MYO1E: variants seen among roughly 807,000 people sequenced by gnomAD.
The protein encoded by MYO1E is myosin IE.
A neutral mutation model predicts 151.1 loss-of-function variants in MYO1E; 68 were observed. The ratio of observed to expected loss-of-function variants is 0.45; its 90% CI spans 0.37 to 0.55. The LOEUF (loss-of-function observed/expected upper bound fraction) is 0.55. MYO1E is among the 20% of genes least tolerant of loss of function. The probability of loss-of-function intolerance (pLI) is 0.00; values close to 1 mark genes in which losing one functional copy is unlikely to be tolerated. For missense variants in MYO1E, 1,363 were observed against 1,389.3 expected, an observed-to-expected ratio of 0.98 and a Z score of 0.30; for synonymous variants, 601 against 501.7, an observed-to-expected ratio of 1.20 and a Z score of -2.64.
chr15:59,337,529 T>C (rs1475605603), intron 1 of MYO1E, among the ~76,000 whole-genome samples: 2 of 152,198 alleles, frequency 1.3e-5, no homozygotes, highest in African/African-American at 4.8e-5. Flanking sequence ...CAGACTACTA[T>C]AGTCAAAAAT....
intron 1 of MYO1E, among the ~76,000 whole-genome samples, chr15:59,327,761 T>C (rs764386308): frequency 1.3e-4 from 20 of 151,522 alleles, no homozygotes; most frequent in Admixed American, 2.6e-4. Flanking sequence ...AGCTATAGAG[T>C]GGGGCAAAGC....
chr15:59,263,690 T>C (rs1398811781), intron 2 of MYO1E, among the ~76,000 whole-genome samples: 1 of 152,178 alleles, frequency 6.6e-6, no homozygotes, highest in East Asian at 1.9e-4. Flanking sequence ...GAATTGCTAT[T>C]AGGGAAGATG....
chr15:59,227,913 T>C (rs867629736), intron 6 of MYO1E, among the ~76,000 whole-genome samples: 7 of 152,322 alleles, frequency 4.6e-5, no homozygotes, highest in African/African-American at 1.4e-4. Flanking sequence ...AAAAATGGCA[T>C]GGCACCCTTT....
chr15:59,244,481 G>A (rs1313480819), intron 4 of MYO1E, among the ~76,000 whole-genome samples: 1 of 152,140 alleles, frequency 6.6e-6, no homozygotes, highest in African/African-American at 2.4e-5. Flanking sequence ...TGAAGTAACT[G>A]AGGCTTGCAG....
At chr15:59,263,944 G>T (rs1180995094) in intron 2 of MYO1E, among the ~76,000 whole-genome samples, 27 of 152,136 alleles carry the variant, frequency 1.8e-4, no homozygotes. Flanking sequence ...AGACGTCCAT[G>T]ATGCCGTAGC....
chr15:59,272,190 C>A, intron 2 of MYO1E, 116 bp downstream of exon 2: 1 of 1,196,732 alleles, frequency 8.4e-7, no homozygotes, highest in Non-Finnish European at 1.2e-6. Context: ...CCTGCCTTAG[C>A]CTTCCAAAGT....
intron 1 of MYO1E, among the ~76,000 whole-genome samples, chr15:59,325,983 C>T (rs544924996): frequency 9.9e-5 from 15 of 152,280 alleles, no homozygotes; most frequent in South Asian, 4.1e-4. Flanking sequence ...CAAAAAGCAA[C>T]AGCTACGACA....
chr15:59,307,447 C>T (rs28522111), intron 1 of MYO1E, among the ~76,000 whole-genome samples: 1,997 of 152,296 alleles, frequency 0.013, 43 homozygotes, highest in African/African-American at 0.046. Flanking sequence ...AGAGCAAGAA[C>T]CAGATTCTGT....
chr15:59,267,415 A>C (rs2080262883), intron 2 of MYO1E, among the ~76,000 whole-genome samples: 1 of 152,230 alleles, frequency 6.6e-6, no homozygotes, highest in Non-Finnish European at 1.5e-5. Context: ...GAGGTGGCAC[A>C]GGGAGGTGAG....
intron 26 of MYO1E, among the ~76,000 whole-genome samples, chr15:59,145,850 T>C (rs1462547163): frequency 6.6e-6 from 1 of 152,218 alleles, no homozygotes; most frequent in Non-Finnish European, 1.5e-5. Context: ...GAGAGAATTT[T>C]ACCATGGAAA....
At chr15:59,236,736 TCCC>T in intron 4 of MYO1E, 64 bp from the exon 5 acceptor site, 3 of 1,351,638 alleles carry the variant, frequency 2.2e-6, no homozygotes, top group Non-Finnish European at 3.2e-6. Context: ...CTTCCTTGTC[TCCC>T]CCATCACACA....
intron 18 of MYO1E, among the ~76,000 whole-genome samples, chr15:59,186,253 T>G (rs2079696906): frequency 6.6e-6 from 1 of 152,124 alleles, no homozygotes; most frequent in Non-Finnish European, 1.5e-5. Context: ...ACAAAATCAT[T>G]AGCTCTTTTT....
At chr15:59,177,915 G>A (rs77206486) in intron 19 of MYO1E, among the ~76,000 whole-genome samples, 7,854 of 152,302 alleles carry the variant, frequency 0.052, 244 homozygotes, top group African/African-American at 0.085. Context: ...GCACTCTGCT[G>A]CACCTTCCAG....
intron 1 of MYO1E, among the ~76,000 whole-genome samples, chr15:59,292,377 T>C (rs1212034424): frequency 6.6e-6 from 1 of 152,228 alleles, no homozygotes; most frequent in Admixed American, 6.5e-5. Flanking sequence ...ACAGAATTAT[T>C]ATTACTATTT....
Position 59,209,783 on chromosome 15 carries a change from ATTTG to A in MYO1E, c.1362+727_1362+730del, listed in dbSNP as rs1275444256. Among the ~76,000 whole-genome samples the A allele has an allele frequency of 5.6e-3, 523 of 93,512 alleles. 3 individuals are homozygous for A. Among genetic ancestry groups the A allele is most frequent in the African/African-American group, 0.019 (495 of 25,988 alleles). The allele number at this position is 93,512 out of a possible 152,430, so 61.3% of individuals were successfully genotyped here. A position where few individuals can be genotyped will look rare whatever the true frequency, so the allele number is the denominator to read the frequency against. ...ATATATAAAAAAATCCTATAGAGAT[ATTTG>A]TTCTGTATCACTTTTATTTTGAATC... On this transcript the variant is annotated intron_variant, in intron 13 of 27. Coordinates refer to ENST00000288235, the MANE Select transcript of MYO1E (RefSeq NM_004998.4).
At chr15:59,266,830 T>G (rs1307816751) in intron 2 of MYO1E, 1 of 150,662 alleles carries the variant, frequency 6.6e-6, no homozygotes, top group Non-Finnish European at 1.5e-5. Flanking sequence ...CCCGGCTAAT[T>G]TTTTACATTT....
chr15:59,198,513 A>G (rs1169630940), intron 16 of MYO1E, among the ~76,000 whole-genome samples: 1 of 152,180 alleles, frequency 6.6e-6, no homozygotes, highest in Non-Finnish European at 1.5e-5. Flanking sequence ...ATTGAAATAC[A>G]TATTAAAAAA....
intron 1 of MYO1E, among the ~76,000 whole-genome samples, chr15:59,341,652 C>A (rs913338282): frequency 6.6e-6 from 1 of 152,164 alleles, no homozygotes; most frequent in Non-Finnish European, 1.5e-5. Context: ...CAGTTCCATT[C>A]ATATTCTTGC....
At chr15:59,146,274 G>T (rs1271568936) in intron 26 of MYO1E, among the ~76,000 whole-genome samples, 1 of 152,142 alleles carries the variant, frequency 6.6e-6, no homozygotes, top group African/African-American at 2.4e-5. Context: ...TGAAAATCGT[G>T]TTATAAAAAT....
Sources: allele counts gnomAD v4.1 joint callset (sites outside exome capture counted in the v4.1 genomes callset), GRCh38; gene constraint gnomAD v4.1.1; transcripts MANE v1.5; gene names NCBI Gene and HGNC (gene_info 2026-07-23, HGNC 2026-07-21).